The following ACOT1 variants were observed in gnomAD, a reference collection of about 807,000 sequenced individuals.
The protein encoded by ACOT1 is acyl-CoA thioesterase 1.
Under a neutral mutation model 15.7 loss-of-function variants are expected in ACOT1, and 8 were observed. The ratio of observed to expected loss-of-function variants is 0.51; its 90% CI spans 0.30 to 0.92. ACOT1 has a LOEUF of 0.92. ACOT1 is among the 40% of genes least tolerant of loss of function. ACOT1 has a pLI of 0.06. For missense variants in ACOT1, 151 were observed against 539.4 expected, an observed-to-expected ratio of 0.28 and a Z score of 7.13; for synonymous variants, 67 against 241.2, an observed-to-expected ratio of 0.28 and a Z score of 6.69.
the ACOT1 span, among the ~76,000 whole-genome samples, chr14:73,505,158 C>T: frequency 2.0e-5 from 3 of 152,104 alleles, no homozygotes; most frequent in African/African-American, 7.2e-5. Context: ...CTCAAGTGAT[C>T]CACCCGCCTC....
chr14:73,497,668 C>T, the ACOT1 span, among the ~76,000 whole-genome samples: 1 of 151,994 alleles, frequency 6.6e-6, no homozygotes, highest in Non-Finnish European at 1.5e-5. Context: ...CTCTTGTTGC[C>T]CAGGCTGGAG....
Position 73,541,343 on chromosome 14 carries a change from C to T in ACOT1, c.458-150C>T, listed in dbSNP as rs573209423. On this transcript the variant is annotated intron_variant, in intron 1 of 2. Transcript: ENST00000311148. ...TAAACACTTGCCAGAAGTTTCTGGACGAACACAGGTTTTCATTTCTCGTGG... is the reference window on the plus strand; with the variant it reads ...TAAACACTTGCCAGAAGTTTCTGGATGAACACAGGTTTTCATTTCTCGTGG... 3.0e-5 allele frequency: 21 copies of T among 704,718 alleles called. 6 individuals carry two copies. Among genetic ancestry groups the T allele is most frequent in the Middle Eastern group, 8.5e-4 (2 of 2,358 alleles). The allele number at this position is 704,718 out of a possible 1,614,324, so 43.7% of individuals were successfully genotyped here.
chr14:73,492,088 G>A, the ACOT1 span: 1 of 1,613,972 alleles, frequency 6.2e-7, no homozygotes, highest in Non-Finnish European at 8.5e-7. The surrounding 1 kb of genome is among the most constrained non-coding windows in gnomAD (Gnocchi z 4.9). Context: ...GGAAACTCTG[G>A]CGTGTATACC....
chr14:73,499,167 G>T, the ACOT1 span: 1 of 1,599,220 alleles, frequency 6.3e-7, no homozygotes, highest in Admixed American at 1.7e-5. Context: ...AGTGTTGAGT[G>T]GGGAGGACCA....
the ACOT1 span, among the ~76,000 whole-genome samples, chr14:73,497,780 C>G: frequency 1.3e-5 from 2 of 152,020 alleles, no homozygotes; most frequent in Non-Finnish European, 2.9e-5. Context: ...GCATGTGCCA[C>G]CATGCCTGGC....
chr14:73,508,165 TAA>T, the ACOT1 span: 2 of 1,614,146 alleles, frequency 1.2e-6, no homozygotes, highest in East Asian at 4.5e-5. Context: ...CAGGAGGATA[TAA>T]GACTGTTCCT....
the ACOT1 span, among the ~76,000 whole-genome samples, chr14:73,516,614 A>G: frequency 6.6e-6 from 1 of 152,198 alleles, no homozygotes; most frequent in Non-Finnish European, 1.5e-5. Context: ...TTCCACATCA[A>G]CAGTCATCTA....
chr14:73,523,324 AG>A, the ACOT1 span: 1 of 611,616 alleles, frequency 1.6e-6, no homozygotes, highest in Admixed American at 3.0e-5. Context: ...ACAGATGGAA[AG>A]GGGGTGGGGA....
the ACOT1 span, chr14:73,508,136 T>A: frequency 1.9e-6 from 3 of 1,613,968 alleles, no homozygotes; most frequent in Non-Finnish European, 2.5e-6. Flanking sequence ...ACACATACTG[T>A]CTTCTCACTC....
chr14:73,495,159 A>G, the ACOT1 span: 8 of 1,446,134 alleles, frequency 5.5e-6, no homozygotes, highest in Non-Finnish European at 7.6e-6. Flanking sequence ...CTAAGTCCCA[A>G]AACATCCAGA....
chr14:73,493,748 G>T, the ACOT1 span, among the ~76,000 whole-genome samples: 4 of 152,188 alleles, frequency 2.6e-5, no homozygotes, highest in Non-Finnish European at 5.9e-5. Context: ...TGAGGCAGGA[G>T]GATCACTTGA....
At chr14:73,518,872 T>G in the ACOT1 span, 1 of 653,056 alleles carries the variant, frequency 1.5e-6, no homozygotes, top group Non-Finnish European at 2.5e-6. Context: ...TTTGTGAGAT[T>G]ATTTTTAGTA....
chr14:73,498,378 A>G, the ACOT1 span: 1 of 1,527,874 alleles, frequency 6.5e-7, no homozygotes, highest in Non-Finnish European at 8.9e-7. Context: ...GTCACTGAAG[A>G]CTGAGCTTAC....
upstream of ACOT1, among the ~76,000 whole-genome samples, chr14:73,535,649 TG>T (rs1267367627): frequency 8.9e-6 from 1 of 111,828 alleles, no homozygotes; most frequent in African/African-American, 2.9e-5. Flanking sequence ...TTTGTATTTT[TG>T]GTTTTTTTTT....
At chr14:73,521,566 A>G in the ACOT1 span, among the ~76,000 whole-genome samples, 1 of 152,246 alleles carries the variant, frequency 6.6e-6, no homozygotes, top group Non-Finnish European at 1.5e-5. Context: ...CAATAAATGA[A>G]TAAATAAATG....
Position 73,541,672 on chromosome 14 carries a change from AACT to A in ACOT1, c.641_643del (p.Tyr214del). 1.6e-6 allele frequency: 2 copies of A among 1,243,346 alleles called. 1 individual carries two copies. Among genetic ancestry groups the A allele is most frequent in the East Asian group, 1.5e-4 (2 of 12,914 alleles). 77.0% of individuals were successfully genotyped at this position (1,243,346 alleles called of 1,614,324 possible). Reference sequence around the variant, plus strand: ...TCTGGAGTACTTTGAAGAAGCTGTGAACTACTTGCTCAGTCATCCTGAGGTGAG... The same window carrying A: ...TCTGGAGTACTTTGAAGAAGCTGTGAACTTGCTCAGTCATCCTGAGGTGAG... On this transcript the variant is annotated inframe_deletion, in exon 2 of 3. Transcript: ENST00000311148.
At chr14:73,506,824 T>TTTTTTTTTTTTTG in the ACOT1 span, among the ~76,000 whole-genome samples, 1 of 134,346 alleles carries the variant, frequency 7.4e-6, no homozygotes, top group African/African-American at 3.3e-5. Flanking sequence ...TTTTTTTTTT[T>TTTTTTTTTTTTTG]TCTGAGAAGG....
the ACOT1 span, chr14:73,499,181 C>T: frequency 6.4e-7 from 1 of 1,566,458 alleles, no homozygotes; most frequent in Non-Finnish European, 8.8e-7. Context: ...AGGACCAGAG[C>T]AAGAATGAAC....
the ACOT1 span, chr14:73,514,070 G>T: frequency 1.9e-6 from 3 of 1,614,082 alleles, no homozygotes; most frequent in East Asian, 2.2e-5. Flanking sequence ...AGCATCCTCC[G>T]CAGGACCACC....
Sources: allele counts gnomAD v4.1 joint callset (sites outside exome capture counted in the v4.1 genomes callset), GRCh38; gene constraint gnomAD v4.1.1; non-coding constraint Gnocchi (gnomAD v3.1); transcripts MANE v1.5; gene names NCBI Gene and HGNC (gene_info 2026-07-23, HGNC 2026-07-21).